Variants in GRM6 observed in about 807,000 individuals in gnomAD.
GRM6 encodes metabotropic glutamate receptor 6.
A neutral mutation model predicts 78.4 loss-of-function variants in GRM6; 73 were observed. That is an observed-to-expected ratio of 0.93 (90% CI 0.77 to 1.13). The LOEUF is 1.13. Among genes scored for constraint, GRM6 ranks in the 50% most tolerant of loss-of-function variants. The probability of loss-of-function intolerance (pLI) is 0.00; values close to 1 mark genes in which losing one functional copy is unlikely to be tolerated. For synonymous variants in GRM6, 580 were observed against 555.0 expected, an observed-to-expected ratio of 1.05 and a Z score of -0.63; for missense variants, 1,251 against 1,256.4, an observed-to-expected ratio of 1.00 and a Z score of 0.07.
In GRM6 at chr5:178,991,334, G is replaced by T; in HGVS notation, c.857+90C>A. 2 of 1,232,506 alleles carry T rather than the reference G, an allele frequency of 1.6e-6. No homozygotes were observed. The highest frequency in any genetic ancestry group is 1.2e-5 in the South Asian group (1 of 83,370). The allele number at this position is 1,232,506 out of a possible 1,614,324, so 76.3% of individuals were successfully genotyped here. The stretch of plus-strand genomic sequence containing the variant: ...GCGGGGAGCAGGGGAAAGGGAGGCA[G>T]GGAGAGTGTGTAAGGTGGCGATGTG... On this transcript the variant is annotated intron_variant, in intron 4 of 10. Transcript: ENST00000517717. This position sits in a 1 kb window ranked among gnomAD's most constrained non-coding sequence, Gnocchi z 5.0.
chr5:178,991,597 C>G lies in GRM6; in HGVS notation c.722-38G>C. 1 of 1,607,164 alleles carries G rather than the reference C, an allele frequency of 6.2e-7. No homozygotes were observed. Among genetic ancestry groups the G allele is most frequent in the Non-Finnish European group, 8.5e-7 (1 of 1,174,590 alleles). On this transcript the variant is annotated intron_variant, in intron 3 of 10. Coordinates refer to ENST00000517717, the MANE Select transcript of GRM6 (RefSeq NM_000843.4). This position sits in a 1 kb window ranked among gnomAD's most constrained non-coding sequence, Gnocchi z 5.0. ...GGTGCCAGAGTCAGCTTCCGTCCCA[C>G]CCACCCACACACCCACCTGGCCACC...
rs1366808664 is a variant in GRM6 at position 178,991,882 on chromosome 5, TC to T, written c.705del (p.Ile236SerfsTer28). ...CCCAGCTCACCAGCCTCTCGGGAGATCTGAACGAAGGCCTCAACCCCACTTT... is the reference window on the plus strand; with the variant it reads ...CCCAGCTCACCAGCCTCTCGGGAGATTGAACGAAGGCCTCAACCCCACTTT... Reference protein sequence around the residue: ...YGESGVEAFVQISREAGGVCI... With the variant: ...YGESGVEAFVXISREAGGVCI... On this transcript the variant is annotated frameshift_variant, in exon 3 of 11. Transcript: ENST00000517717. LOFTEE classifies it high-confidence loss of function. This position sits in a 1 kb window ranked among gnomAD's most constrained non-coding sequence, Gnocchi z 5.0. The T allele has an allele frequency of 6.2e-7, 1 of 1,613,648 alleles. No individual in the cohort carries two copies. Among genetic ancestry groups the T allele is most frequent in the African/African-American group, 1.3e-5 (1 of 74,874 alleles).
At position 178,980,263 on chromosome 5, in the gene GRM6, T is replaced by C. The variant is rs1760364849; in HGVS notation, c.*1394A>G. On this transcript the variant is annotated 3_prime_UTR_variant, in exon 11 of 11. Transcript: ENST00000517717. This position sits in a 1 kb window ranked among gnomAD's most constrained non-coding sequence, Gnocchi z 4.3. ...CTTAAACAGTGGTCAATTTAACAAATGTAAATTCTACTCCCAGGGACATAA... is the reference window on the plus strand; with the variant it reads ...CTTAAACAGTGGTCAATTTAACAAACGTAAATTCTACTCCCAGGGACATAA... 1 of 154,342 alleles carries C rather than the reference T, an allele frequency of 6.5e-6. No homozygotes were observed. 9.6% of individuals were successfully genotyped at this position (154,342 alleles called of 1,614,324 possible). A position where few individuals can be genotyped will look rare whatever the true frequency, so the allele number is the denominator to read the frequency against.
At position 178,978,482 on chromosome 5, in the gene GRM6, A is replaced by G. The variant is rs1436118992; in HGVS notation, c.*3175T>C. On this transcript the variant is annotated 3_prime_UTR_variant, in exon 11 of 11. Transcript: ENST00000517717. ...GACAAAGCTATAATAAATGTGTCAGAAGATTCACACAAGTGAGACAGCCTA... is the reference window on the plus strand; with the variant it reads ...GACAAAGCTATAATAAATGTGTCAGGAGATTCACACAAGTGAGACAGCCTA... 6.6e-6 allele frequency: 1 copy of G among 152,258 alleles called. No individual in the cohort carries two copies. Among genetic ancestry groups the G allele is most frequent in the Non-Finnish European group, 1.5e-5 (1 of 68,048 alleles). 9.4% of individuals were successfully genotyped at this position (152,258 alleles called of 1,614,324 possible).
chr5:178,984,588 G>T (rs977798806), intron 9 of GRM6, among the ~76,000 whole-genome samples: 14 of 152,150 alleles, frequency 9.2e-5, no homozygotes, highest in African/African-American at 3.4e-4. Flanking sequence ...CCCCAACGGG[G>T]TCTAAGCATC....
In GRM6 at chr5:178,991,904, A is replaced by C. The variant is rs1760683206; in HGVS notation, c.684T>G (p.Ser228Arg). 2 of 1,613,818 alleles carry C rather than the reference A, an allele frequency of 1.2e-6. No individual in the cohort carries two copies. Among genetic ancestry groups the C allele is most frequent in the Non-Finnish European group, 1.7e-6 (2 of 1,179,972 alleles). Reference sequence around the variant, plus strand: ...AGATCTGAACGAAGGCCTCAACCCCACTTTCGCCATAGTTGCCCTCGGAGG... The same window carrying C: ...AGATCTGAACGAAGGCCTCAACCCCCCTTTCGCCATAGTTGCCCTCGGAGG... ...TLASEGNYGE[S>R]GVEAFVQISR... The change falls in exon 3 of 11, where the codon AGT (serine) becomes AGG (arginine). Residue 228 changes from serine (S) to arginine (R), a missense_variant. Physicochemically the swap from Ser to Arg is moderately radical, Grantham distance 110. Coordinates refer to ENST00000517717, the MANE Select transcript of GRM6 (RefSeq NM_000843.4). This position sits in a 1 kb window ranked among gnomAD's most constrained non-coding sequence, Gnocchi z 5.0.
intron 5 of GRM6, chr5:178,989,694 TCA>T: frequency 3.7e-5 from 19 of 520,020 alleles, no homozygotes; most frequent in Admixed American, 1.3e-4. Flanking sequence ...TGATGCAAAC[TCA>T]GAGCCTCACC....
rs1008737793 is a variant in GRM6, at chr5:178,991,353, C to T, written c.857+71G>A. Reference sequence around the variant, plus strand: ...GAGGCAGGGAGAGTGTGTAAGGTGGCGATGTGCAAGAGGAGGGGTGGGACC... The same window carrying T: ...GAGGCAGGGAGAGTGTGTAAGGTGGTGATGTGCAAGAGGAGGGGTGGGACC... On this transcript the variant is annotated intron_variant, in intron 4 of 10. Transcript: ENST00000517717. This position sits in a 1 kb window ranked among gnomAD's most constrained non-coding sequence, Gnocchi z 5.0. 83 of 1,390,126 alleles carry T rather than the reference C, an allele frequency of 6.0e-5. No homozygotes were observed. The highest frequency in any genetic ancestry group is 6.7e-5 in the Non-Finnish European group (66 of 978,728). The allele number at this position is 1,390,126 out of a possible 1,614,324, so 86.1% of individuals were successfully genotyped here. A position where few individuals can be genotyped will look rare whatever the true frequency, so the allele number is the denominator to read the frequency against.
chr5:178,985,936 A>AT (rs1263170458), intron 9 of GRM6, among the ~76,000 whole-genome samples, 194 bp downstream of exon 9: 7 of 151,792 alleles, frequency 4.6e-5, no homozygotes, highest in East Asian at 2.0e-4. Flanking sequence ...TAATTTTCAT[A>AT]TTTTTTGCAG....
At position 178,994,769 on chromosome 5, in the gene GRM6, T is replaced by A. The variant is rs2645329; in HGVS notation, c.176A>T (p.Gln59Leu). 2 of 1,373,242 alleles carry A rather than the reference T, an allele frequency of 1.5e-6. No individual in the cohort carries two copies. Among genetic ancestry groups the A allele is most frequent in the Non-Finnish European group, 1.9e-6 (2 of 1,056,468 alleles). The allele number at this position is 1,373,242 out of a possible 1,614,324, so 85.1% of individuals were successfully genotyped here. Residue 59 changes from glutamine to leucine, a missense_variant, in exon 2 of 11, where the codon CAG (glutamine) becomes CTG (leucine). Coordinates refer to ENST00000517717, the MANE Select transcript of GRM6 (RefSeq NM_000843.4). ...GTGCACGCCCTGCTCCTTCTTCAGC[T>A]GCCCGCACGCCCGGCCCGCCGCGCC... ...ARGAAGRACG[Q>L]LKKEQGVHRL...
chr5:178,986,801 G>C (rs1245694114), intron 8 of GRM6, 37 bp downstream of exon 8: 1 of 1,612,526 alleles, frequency 6.2e-7, no homozygotes, highest in East Asian at 2.2e-5. Flanking sequence ...CGGGATCCTG[G>C]GCCCATGCCC....
chr5:178,982,948 C>T lies in GRM6; in HGVS notation c.2398G>A (p.Val800Met), dbSNP rs369642678. The change falls in exon 10 of 11, where the codon GTG becomes ATG. Residue 800 changes from valine to methionine, a missense_variant. Coordinates refer to ENST00000517717, the MANE Select transcript of GRM6 (RefSeq NM_000843.4). ...YTTCIIWLAF[V>M]PIFFGTAQSA... is the part of the protein sequence containing the mutation. ...TGGGCAGTGCCAAAGAAGATGGGCA[C>T]GAATGCCAGCCAGATGATGCAGGTG... The T allele has an allele frequency of 1.9e-4, 299 of 1,614,150 alleles. No individual in the cohort carries two copies. Among genetic ancestry groups the T allele is most frequent in the Non-Finnish European group, 2.2e-4 (256 of 1,180,018 alleles).
intron 9 of GRM6, among the ~76,000 whole-genome samples, chr5:178,984,124 G>A (rs147580252): frequency 3.1e-4 from 47 of 152,194 alleles, no homozygotes; most frequent in East Asian, 2.1e-3. Context: ...TCAGGAGATC[G>A]AGACCAACTT....
chr5:178,993,828 A>G (rs994513187), intron 2 of GRM6, among the ~76,000 whole-genome samples: 2 of 152,168 alleles, frequency 1.3e-5, no homozygotes, highest in Non-Finnish European at 2.9e-5. Flanking sequence ...GCACCTGCGC[A>G]GGGCAGGGTG....
At position 178,989,064 on chromosome 5, in the gene GRM6, A is replaced by T; in HGVS notation, c.1225T>A (p.Tyr409Asn). The T allele has an allele frequency of 2.5e-6, 4 of 1,613,946 alleles. No homozygotes were observed. The highest frequency in any genetic ancestry group is 3.4e-6 in the Non-Finnish European group (4 of 1,179,852). ...GKVQFVIDAV[Y>N]AIAHALHSMH... ...CTGTGGAGGGCGTGGGCAATGGCGTACACCGCATCAATCACAAACTGCACC... is the reference window on the plus strand; with the variant it reads ...CTGTGGAGGGCGTGGGCAATGGCGTTCACCGCATCAATCACAAACTGCACC... Residue 409 changes from tyrosine (Y) to asparagine (N), a missense_variant, in exon 7 of 11, where the codon TAC becomes AAC. By Grantham distance (143) the Tyr-to-Asn change is moderately radical (BLOSUM62 -2). Transcript: ENST00000517717.
chr5:178,984,667 G>A (rs550949026), intron 9 of GRM6, among the ~76,000 whole-genome samples: 31 of 152,224 alleles, frequency 2.0e-4, no homozygotes, highest in African/African-American at 6.5e-4. Flanking sequence ...CAGGATGTGC[G>A]GCACACGGAG....
rs1309944150 is a variant in GRM6 at position 178,983,161 on chromosome 5, C to G, written c.2185G>C (p.Glu729Gln). The change falls in exon 10 of 11, where the codon GAA (glutamate) becomes CAA (glutamine). Residue 729 changes from glutamate (E) to glutamine (Q), a missense_variant. Physicochemically the swap from Glu to Gln is conservative, Grantham distance 29. Transcript: ENST00000517717. ...RPPHSVIDYEEQRTVDPEQAR... is the reference protein window; with the variant it reads ...RPPHSVIDYEQQRTVDPEQAR... ...TGCTCGGGGTCCACCGTCCGCTGTT[C>G]CTCATAGTCAATCACGCTGTGTGGG... 2 of 1,613,940 alleles carry G rather than the reference C, an allele frequency of 1.2e-6. No homozygotes were observed. Among genetic ancestry groups the G allele is most frequent in the Non-Finnish European group, 8.5e-7 (1 of 1,180,028 alleles).
chr5:178,994,952 T>G lies in GRM6; in HGVS notation c.-8A>C. The stretch of plus-strand genomic sequence containing the variant: ...TCTCCGGGGCCGCGCCATCGGCTCG[T>G]CTAGCGGGCTGCGGGGAGACAGAGG... On this transcript the variant is annotated 5_prime_UTR_variant, in exon 2 of 11. Coordinates refer to ENST00000517717, the MANE Select transcript of GRM6 (RefSeq NM_000843.4). 1 of 1,165,916 alleles carries G rather than the reference T, an allele frequency of 8.6e-7. No homozygotes were observed. The highest frequency in any genetic ancestry group is 1.1e-6 in the Non-Finnish European group (1 of 945,526). The allele number at this position is 1,165,916 out of a possible 1,614,324, so 72.2% of individuals were successfully genotyped here.
At chr5:178,989,922 A>G in intron 5 of GRM6, 1 of 221,972 alleles carries the variant, frequency 4.5e-6, no homozygotes, top group Non-Finnish European at 9.0e-6. Flanking sequence ...ACCAACTCTC[A>G]GACCTCCTGT....
Sources: allele counts gnomAD v4.1 joint callset (sites outside exome capture counted in the v4.1 genomes callset), GRCh38; gene constraint gnomAD v4.1.1; non-coding constraint Gnocchi (gnomAD v3.1); transcripts MANE v1.5; gene names NCBI Gene and HGNC (gene_info 2026-07-23, HGNC 2026-07-21).